Variants in BMPR1B observed in about 807,000 individuals in gnomAD.
The protein encoded by BMPR1B is bone morphogenetic protein receptor type 1B.
A neutral mutation model predicts 59.1 loss-of-function variants in BMPR1B; 12 were observed. That is an observed-to-expected ratio of 0.20 (90% confidence interval 0.13 to 0.33). The LOEUF (loss-of-function observed/expected upper bound fraction) is 0.33, where lower values mean the gene tolerates loss of function less well. BMPR1B is among the 10% of genes least tolerant of loss of function. BMPR1B has a pLI of 1.00. For missense variants in BMPR1B, 550 were observed against 610.9 expected, an observed-to-expected ratio of 0.90 and a Z score of 1.05; for synonymous variants, 237 against 207.3, an observed-to-expected ratio of 1.14 and a Z score of -1.23.
At chr4:95,078,156 A>G (rs539268666) in intron 3 of BMPR1B, among the ~76,000 whole-genome samples, 10 of 152,342 alleles carry the variant, frequency 6.6e-5, no homozygotes, top group South Asian at 2.1e-4. Flanking sequence ...GATGCAACAA[A>G]GTAGAAAGTA....
intron 1 of BMPR1B, among the ~76,000 whole-genome samples, chr4:94,851,116 A>G (rs576880615): frequency 2.0e-5 from 3 of 152,250 alleles, no homozygotes; most frequent in African/African-American, 7.2e-5. Context: ...GAAAATGCTT[A>G]TAAGAATTAT....
intron 1 of BMPR1B, among the ~76,000 whole-genome samples, chr4:94,811,317 A>G (rs1416925070): frequency 6.6e-6 from 1 of 152,158 alleles, no homozygotes; most frequent in Non-Finnish European, 1.5e-5. Flanking sequence ...CATGAAACCT[A>G]CTGAAGGCAA....
chr4:95,000,324 T>A (rs778996381), intron 3 of BMPR1B, among the ~76,000 whole-genome samples: 4 of 152,162 alleles, frequency 2.6e-5, no homozygotes, highest in Admixed American at 2.0e-4. Context: ...TGGAATGGAC[T>A]GTAATTCAAT....
chr4:94,958,911 GA>G (rs146380119), intron 2 of BMPR1B, among the ~76,000 whole-genome samples: 6,485 of 152,148 alleles, frequency 0.043, 343 homozygotes, highest in African/African-American at 0.12. Flanking sequence ...AGTTTAAGCA[GA>G]ATGATTACAG....
At position 95,156,322 on chromosome 4, in the gene BMPR1B, T is replaced by G. The variant is rs1735418167; in HGVS notation, c.*1649T>G. 1 of 151,920 alleles carries G rather than the reference T, an allele frequency of 6.6e-6. No homozygotes were observed. The highest frequency in any genetic ancestry group is 2.1e-4 in the South Asian group (1 of 4,822). 9.4% of individuals were successfully genotyped at this position (151,920 alleles called of 1,614,324 possible). On this transcript the variant is annotated 3_prime_UTR_variant, in exon 13 of 13. Transcript: ENST00000515059. ...TGAAAGTACTTTCTCCTTGCTGTTT[T>G]TTTTTTTTTTTAAGACATTCCTCCC...
chr4:94,926,749 T>C (rs1728904296), intron 2 of BMPR1B, among the ~76,000 whole-genome samples: 1 of 151,994 alleles, frequency 6.6e-6, no homozygotes, highest in South Asian at 2.1e-4. Flanking sequence ...CCTTTGCTTT[T>C]TGTGGTTTAA....
chr4:94,864,199 ACCAGTATAATT>A (rs1726112553), intron 1 of BMPR1B, among the ~76,000 whole-genome samples: 1 of 152,150 alleles, frequency 6.6e-6, no homozygotes, highest in South Asian at 2.1e-4. Flanking sequence ...TTGAGCTTCG[ACCAGTATAATT>A]ACTGGGATTC....
chr4:95,102,843 G>A (rs1199920440), intron 3 of BMPR1B, among the ~76,000 whole-genome samples: 1 of 151,986 alleles, frequency 6.6e-6, no homozygotes, highest in Admixed American at 6.6e-5. Flanking sequence ...TTAATCTAGG[G>A]TTTTTCTAAG....
intron 2 of BMPR1B, among the ~76,000 whole-genome samples, chr4:94,912,071 GCAGA>G (rs1380470082): frequency 6.6e-6 from 1 of 152,110 alleles, no homozygotes; most frequent in Non-Finnish European, 1.5e-5. Flanking sequence ...ATGGATGGCA[GCAGA>G]CAAAGAGGGA....
chr4:95,067,991 CA>C (rs1022098138), intron 3 of BMPR1B, among the ~76,000 whole-genome samples: 10 of 152,202 alleles, frequency 6.6e-5, no homozygotes, highest in African/African-American at 2.4e-4. Flanking sequence ...ATAGAGGGAC[CA>C]ACATTCGCAA....
intron 1 of BMPR1B, among the ~76,000 whole-genome samples, chr4:94,838,061 G>T (rs1288559313): frequency 8.3e-5 from 12 of 144,298 alleles, no homozygotes; most frequent in East Asian, 3.9e-4. Context: ...TGGATTACAT[G>T]TATTGATTTG....
intron 6 of BMPR1B, among the ~76,000 whole-genome samples, chr4:95,117,332 A>G (rs1732144546): frequency 6.6e-6 from 1 of 152,186 alleles, no homozygotes; most frequent in Non-Finnish European, 1.5e-5. Context: ...AGCACCGGAA[A>G]GTTTATTAAC....
At chr4:94,819,008 C>T (rs376806229) in intron 1 of BMPR1B, among the ~76,000 whole-genome samples, 5 of 151,992 alleles carry the variant, frequency 3.3e-5, no homozygotes, top group African/African-American at 1.2e-4. Flanking sequence ...TGGTGGCATG[C>T]ACCTGTAGTC....
chr4:95,155,135 G>A lies in BMPR1B; in HGVS notation c.*462G>A, dbSNP rs1344068909. On this transcript the variant is annotated 3_prime_UTR_variant, in exon 13 of 13. Coordinates refer to ENST00000515059, the MANE Select transcript of BMPR1B (RefSeq NM_001203.3). ...CATTGGTAAAATATTGTTGCACTCT[G>A]TGAACCAAAAGACAGTCTAAGTTGG... The A allele has an allele frequency of 1.7e-5, 3 of 179,176 alleles. No individual in the cohort carries two copies. The highest frequency in any genetic ancestry group is 1.7e-4 in the Admixed American group (3 of 18,038). The allele number at this position is 179,176 out of a possible 1,614,324, so 11.1% of individuals were successfully genotyped here. A position where few individuals can be genotyped will look rare whatever the true frequency, so the allele number is the denominator to read the frequency against.
chr4:95,105,457 G>T (rs990145511), intron 4 of BMPR1B, among the ~76,000 whole-genome samples: 25 of 151,918 alleles, frequency 1.6e-4, no homozygotes, highest in African/African-American at 5.8e-4. Flanking sequence ...CAGAAGGTAC[G>T]CAAAGCTGAG....
At chr4:94,787,156 G>C (rs993361314) in intron 1 of BMPR1B, among the ~76,000 whole-genome samples, 1 of 152,086 alleles carries the variant, frequency 6.6e-6, no homozygotes, top group Admixed American at 6.5e-5. Flanking sequence ...TCATCTTGGA[G>C]GTCTTGGACC....
chr4:94,833,199 A>G (rs1724671522), intron 1 of BMPR1B, among the ~76,000 whole-genome samples: 1 of 152,032 alleles, frequency 6.6e-6, no homozygotes. Flanking sequence ...TCTCAAAAAA[A>G]AAAAAAAAAA....
intron 3 of BMPR1B, among the ~76,000 whole-genome samples, chr4:95,050,046 C>T (rs1409065316): frequency 1.3e-5 from 2 of 151,980 alleles, no homozygotes; most frequent in South Asian, 2.1e-4. Context: ...ACTTCTTGCC[C>T]CAGAGCTCAA....
chr4:95,039,968 C>G (rs909806913), intron 3 of BMPR1B, among the ~76,000 whole-genome samples: 1 of 152,116 alleles, frequency 6.6e-6, no homozygotes, highest in Non-Finnish European at 1.5e-5. Flanking sequence ...AAAATGCCAC[C>G]TTAAATAAAA....
Sources: gnomAD v4.1 joint callset for allele counts (sites outside exome capture counted in the v4.1 genomes callset) on GRCh38, gnomAD v4.1.1 for gene constraint, MANE v1.5 for transcripts, NCBI Gene and HGNC (gene_info 2026-07-23, HGNC 2026-07-21) for gene names.